The following TSHR variants were observed in gnomAD, a reference collection of about 807,000 sequenced individuals.
The protein encoded by TSHR is thyroid stimulating hormone receptor.
A neutral mutation model predicts 64.1 loss-of-function variants in TSHR; 51 were observed. The ratio of observed to expected loss-of-function variants is 0.80; its 90% confidence interval spans 0.64 to 1.01. TSHR has a LOEUF of 1.01. Ranked by LOEUF, TSHR falls within the 50% of genes least tolerant of loss-of-function variation. The pLI is 0.00. For synonymous variants in TSHR, 361 were observed against 361.9 expected (o/e 1.00, Z 0.03); for missense variants, 877 against 942.8 (o/e 0.93, Z 0.91).
chr14:81,084,231 C>T (rs1888119252), intron 3 of TSHR, among the ~76,000 whole-genome samples: 1 of 152,178 alleles, frequency 6.6e-6, no homozygotes, highest in Admixed American at 6.5e-5. Flanking sequence ...AAGAGCCTCG[C>T]TCCATAAAAC....
intron 1 of TSHR, among the ~76,000 whole-genome samples, chr14:81,026,720 G>A (rs147821108): frequency 7.2e-5 from 11 of 152,020 alleles, no homozygotes; most frequent in Non-Finnish European, 1.5e-4. Context: ...AAGTAAAAGA[G>A]CAAAATAAAA....
intron 1 of TSHR, among the ~76,000 whole-genome samples, chr14:80,979,249 T>A (rs1248447619): frequency 5.6e-5 from 5 of 89,156 alleles, no homozygotes. Context: ...TCTAACAACA[T>A]TGATCTCGTA....
chr14:81,085,677 A>G (rs192611250), intron 3 of TSHR, among the ~76,000 whole-genome samples: 159 of 152,190 alleles, frequency 1.0e-3, no homozygotes, highest in African/African-American at 3.7e-3. Context: ...CTCTTAGACC[A>G]CTCACTCAGG....
chr14:81,060,250 G>A (rs1016932280), intron 1 of TSHR, among the ~76,000 whole-genome samples: 3 of 152,038 alleles, frequency 2.0e-5, no homozygotes, highest in African/African-American at 7.2e-5. Flanking sequence ...AAACTCAATC[G>A]CCTTGGGTGA....
intron 9 of TSHR, among the ~76,000 whole-genome samples, chr14:81,141,233 C>T (rs1413712413): frequency 2.0e-5 from 3 of 152,200 alleles, no homozygotes; most frequent in Non-Finnish European, 2.9e-5. Flanking sequence ...GTGGACTCTA[C>T]ACTGATGCCA....
At chr14:81,119,946 G>T (rs56097057) in intron 8 of TSHR, among the ~76,000 whole-genome samples, 23,322 of 109,054 alleles carry the variant, frequency 0.21, 2,685 homozygotes, top group East Asian at 0.27. Flanking sequence ...ACCAAACACC[G>T]CATATTCTCA....
At chr14:81,050,338 T>A (rs1398202840) in intron 1 of TSHR, 1 of 152,192 alleles carries the variant, frequency 6.6e-6, no homozygotes, top group Non-Finnish European at 1.5e-5. Flanking sequence ...TATGCTCTCT[T>A]AGCCTGAGAA....
At chr14:81,017,738 C>T (rs1883493305) in intron 1 of TSHR, among the ~76,000 whole-genome samples, 1 of 151,468 alleles carries the variant, frequency 6.6e-6, no homozygotes, top group Non-Finnish European at 1.5e-5. Flanking sequence ...GCACCATACA[C>T]AAAAATAGCC....
chr14:80,974,706 G>A (rs1188077440), intron 1 of TSHR, among the ~76,000 whole-genome samples: 5 of 152,104 alleles, frequency 3.3e-5, no homozygotes, highest in Non-Finnish European at 1.5e-5. Context: ...TAAGAAACTT[G>A]GCACTTTATA....
chr14:81,033,560 T>TTG (rs1884463458), intron 1 of TSHR, among the ~76,000 whole-genome samples: 1 of 127,546 alleles, frequency 7.8e-6, no homozygotes, highest in East Asian at 2.3e-4. Context: ...AATCAGGGTT[T>TTG]TTTTTTTTTT....
chr14:81,110,400 G>T (rs908450739), intron 8 of TSHR, among the ~76,000 whole-genome samples: 1 of 152,210 alleles, frequency 6.6e-6, no homozygotes, highest in Non-Finnish European at 1.5e-5. Context: ...CGCTCACAGA[G>T]GAAAGGCCAC....
At chr14:80,972,041 T>C (rs1331277319) in intron 1 of TSHR, among the ~76,000 whole-genome samples, 1 of 152,202 alleles carries the variant, frequency 6.6e-6, no homozygotes, top group African/African-American at 2.4e-5. Context: ...AGGGAAGAAT[T>C]TTCCATAACA....
In TSHR at chr14:81,086,895, T is replaced by A. The variant is rs367894751; in HGVS notation, c.318-1059T>A. Among the ~76,000 whole-genome samples the A allele has an allele frequency of 2.0e-5, 3 of 152,300 alleles. No homozygotes were observed. In the South Asian group the frequency reaches 6.2e-4, roughly 32 times the overall value. ...AGGCAAATTTATAAAGAAAGAAAACTGATCAGTGGTTTCTAGGCATAAAGG... is the reference window on the plus strand; with the variant it reads ...AGGCAAATTTATAAAGAAAGAAAACAGATCAGTGGTTTCTAGGCATAAAGG... On this transcript the variant is annotated intron_variant, in intron 3 of 9. Transcript: ENST00000298171.
At chr14:81,097,842 G>A (rs1432176752) in intron 7 of TSHR, among the ~76,000 whole-genome samples, 2 of 152,138 alleles carry the variant, frequency 1.3e-5, no homozygotes, top group Non-Finnish European at 2.9e-5. Flanking sequence ...CAGTCTTTAT[G>A]AAATGAAGAG....
chr14:81,045,705 T>C (rs994535922), intron 1 of TSHR, among the ~76,000 whole-genome samples: 1 of 152,202 alleles, frequency 6.6e-6, no homozygotes, highest in Non-Finnish European at 1.5e-5. Flanking sequence ...TTATGGAAGC[T>C]AGAAACCCAC....
chr14:81,142,610 T>TC (rs950959801), intron 9 of TSHR, among the ~76,000 whole-genome samples: 2 of 147,384 alleles, frequency 1.4e-5, no homozygotes, highest in African/African-American at 5.0e-5. Context: ...AGCATTCTTT[T>TC]TTTTTTTTTT....
chr14:81,027,340 T>C (rs1432583063), intron 1 of TSHR, among the ~76,000 whole-genome samples: 4 of 151,916 alleles, frequency 2.6e-5, no homozygotes, highest in Non-Finnish European at 4.4e-5. Flanking sequence ...AAATAAGAGA[T>C]TTGAATCTGT....
chr14:81,119,961 T>G (rs938994703), intron 8 of TSHR, among the ~76,000 whole-genome samples: 9 of 115,950 alleles, frequency 7.8e-5, no homozygotes, highest in African/African-American at 2.7e-4. Context: ...TTCTCACTCA[T>G]AGGTGGGAAT....
At chr14:81,011,828 CCAGACTGGCGACAGAGGGAGACTCTGT>C (rs1393816338) in intron 1 of TSHR, among the ~76,000 whole-genome samples, 1 of 151,906 alleles carries the variant, frequency 6.6e-6, no homozygotes, top group Non-Finnish European at 1.5e-5. Flanking sequence ...CCACTGCACT[CCAGACTGGCGACAGAGGGAGACTCTGT>C]CTCAAAATAA....
Sources: allele counts gnomAD v4.1 joint callset (sites outside exome capture counted in the v4.1 genomes callset), GRCh38; gene constraint gnomAD v4.1.1; transcripts MANE v1.5; gene names NCBI Gene and HGNC (gene_info 2026-07-23, HGNC 2026-07-21).